Variants in ABTB3 observed in about 807,000 individuals in gnomAD.
The protein encoded by ABTB3 is ankyrin repeat- and BTB/POZ domain-containing protein 3.
the ABTB3 span, among the ~76,000 whole-genome samples, chr12:107,430,330 G>A: frequency 6.0e-4 from 91 of 152,278 alleles, no homozygotes; most frequent in Admixed American, 9.2e-4. Context: ...CCCAGGCATC[G>A]CAGATTACTT....
At chr12:107,436,811 C>A in the ABTB3 span, among the ~76,000 whole-genome samples, 94 of 152,138 alleles carry the variant, frequency 6.2e-4, no homozygotes, top group Admixed American at 5.1e-3. Context: ...GGAACACATA[C>A]CCCCAAAGTA....
chr12:107,444,480 A>G, the ABTB3 span, among the ~76,000 whole-genome samples: 1 of 152,196 alleles, frequency 6.6e-6, no homozygotes, highest in Admixed American at 6.5e-5. Flanking sequence ...CTGAAAAAAG[A>G]TCGTCAAATT....
the ABTB3 span, among the ~76,000 whole-genome samples, chr12:107,580,037 G>T: frequency 2.6e-5 from 4 of 152,138 alleles, no homozygotes; most frequent in Admixed American, 6.5e-5. Context: ...TGAGAATGTC[G>T]TCCGCAGACC....
the ABTB3 span, among the ~76,000 whole-genome samples, chr12:107,415,551 C>A: frequency 1.3e-5 from 2 of 151,348 alleles, no homozygotes; most frequent in African/African-American, 2.4e-5. Flanking sequence ...TACTAAAAAA[C>A]CAAAAAATTA....
At chr12:107,635,301 A>G in the ABTB3 span, 1 of 1,613,678 alleles carries the variant, frequency 6.2e-7, no homozygotes. Context: ...GTGATCAGCC[A>G]GCAGCTGTGC....
the ABTB3 span, chr12:107,610,067 G>T: frequency 5.2e-6 from 6 of 1,151,062 alleles, no homozygotes; most frequent in Non-Finnish European, 6.3e-6. Flanking sequence ...TTTAATTGGA[G>T]CCTAGGAACA....
At chr12:107,583,575 T>G in the ABTB3 span, among the ~76,000 whole-genome samples, 1 of 152,346 alleles carries the variant, frequency 6.6e-6, no homozygotes, top group East Asian at 1.9e-4. Flanking sequence ...CACTATCTTC[T>G]GGATGGCTCT....
the ABTB3 span, among the ~76,000 whole-genome samples, chr12:107,614,615 G>A: frequency 6.6e-6 from 1 of 152,126 alleles, no homozygotes; most frequent in Non-Finnish European, 1.5e-5. Flanking sequence ...AAGGGGACAG[G>A]CCAGAAAGCT....
chr12:107,356,658 C>T, the ABTB3 span, among the ~76,000 whole-genome samples: 2 of 152,218 alleles, frequency 1.3e-5, no homozygotes, highest in African/African-American at 4.8e-5. Context: ...ACCCTGTGTG[C>T]CACTTGCTGT....
At chr12:107,455,224 T>C in the ABTB3 span, among the ~76,000 whole-genome samples, 1 of 152,248 alleles carries the variant, frequency 6.6e-6, no homozygotes, top group Non-Finnish European at 1.5e-5. Flanking sequence ...TGGTGCCACA[T>C]TGGTGGGGAT....
the ABTB3 span, chr12:107,618,522 A>G: frequency 2.7e-6 from 2 of 727,552 alleles, no homozygotes; most frequent in African/African-American, 1.8e-5. Flanking sequence ...AAGGGGACCC[A>G]GGGAGCTTCC....
chr12:107,319,172 G>A, the ABTB3 span: 1 of 1,598,890 alleles, frequency 6.3e-7, no homozygotes, highest in Non-Finnish European at 8.5e-7. Flanking sequence ...GGAAGACTCC[G>A]AGGGGCTGGA....
At chr12:107,525,324 C>CAAAAAAAAAAAAAAAAAAAAAAAAAAAAA in the ABTB3 span, among the ~76,000 whole-genome samples, 6 of 34,892 alleles carry the variant, frequency 1.7e-4, no homozygotes, top group Admixed American at 3.8e-4. Context: ...AAGATCCTGT[C>CAAAAAAAAAAAAAAAAAAAAAAAAAAAAA]AAAAAAAAAA....
At chr12:107,451,591 A>G in the ABTB3 span, among the ~76,000 whole-genome samples, 1 of 152,144 alleles carries the variant, frequency 6.6e-6, no homozygotes, top group Non-Finnish European at 1.5e-5. Context: ...TGAGCTCCTT[A>G]GCATGGCAGG....
chr12:107,426,588 C>T, the ABTB3 span, among the ~76,000 whole-genome samples: 1 of 152,208 alleles, frequency 6.6e-6, no homozygotes, highest in South Asian at 2.1e-4. Context: ...GTCTCTTGCA[C>T]ATCTTGACCA....
the ABTB3 span, among the ~76,000 whole-genome samples, chr12:107,321,626 CACACAT>C: frequency 0.52 from 53,839 of 103,584 alleles, 10,217 homozygotes; most frequent in Admixed American, 0.57. Context: ...CACACACACA[CACACAT>C]CCTGAAATAT....
At chr12:107,612,903 C>T in the ABTB3 span, 41 of 1,593,952 alleles carry the variant, frequency 2.6e-5, no homozygotes, top group Non-Finnish European at 3.3e-5. Flanking sequence ...GCCCCTCGGC[C>T]GGCAGTCCCC....
the ABTB3 span, among the ~76,000 whole-genome samples, chr12:107,543,163 T>C: frequency 0.05 from 7,538 of 151,844 alleles, 565 homozygotes; most frequent in African/African-American, 0.16. Context: ...TGGTGAAAAC[T>C]CATCTCTACT....
At chr12:107,347,457 T>G in the ABTB3 span, among the ~76,000 whole-genome samples, 1 of 148,896 alleles carries the variant, frequency 6.7e-6, no homozygotes, top group South Asian at 2.1e-4. Context: ...CAGCTGGCAG[T>G]TCATCTGTGA....
Sources: allele counts gnomAD v4.1 joint callset (sites outside exome capture counted in the v4.1 genomes callset), GRCh38; gene constraint gnomAD v4.1.1; transcripts MANE v1.5; gene names NCBI Gene and HGNC (gene_info 2026-07-23, HGNC 2026-07-21).